Variants in MTCL1 observed in about 807,000 individuals in gnomAD.
MTCL1 encodes microtubule cross-linking factor 1.
Under a neutral mutation model 141.4 loss-of-function variants are expected in MTCL1, and 79 were observed. The ratio of observed to expected loss-of-function variants is 0.56; its 90% CI spans 0.47 to 0.67. The LOEUF is 0.67. Among genes scored for constraint, MTCL1 ranks in the 30% least tolerant of loss-of-function variants. The pLI is 0.00. For missense variants in MTCL1, 2,177 were observed against 2,113.9 expected, an observed-to-expected ratio of 1.03 and a Z score of -0.59; for synonymous variants, 914 against 875.8, an observed-to-expected ratio of 1.04 and a Z score of -0.77.
intron 4 of MTCL1, among the ~76,000 whole-genome samples, chr18:8,745,167 A>G (rs1013752914): frequency 1.3e-5 from 2 of 152,268 alleles, no homozygotes; most frequent in Admixed American, 6.5e-5. Flanking sequence ...AAAAGAATGT[A>G]TATTTTATGT....
chr18:8,771,269 G>A (rs377718964), intron 4 of MTCL1, among the ~76,000 whole-genome samples: 8 of 152,108 alleles, frequency 5.3e-5, no homozygotes, highest in African/African-American at 1.4e-4. Context: ...GATTACAGGC[G>A]TGAGCTCCCA....
At chr18:8,788,116 A>G (rs766983198) in intron 7 of MTCL1, among the ~76,000 whole-genome samples, 1 of 152,216 alleles carries the variant, frequency 6.6e-6, no homozygotes, top group Non-Finnish European at 1.5e-5. Context: ...CAAAGCTCCC[A>G]TAAGTCAGCC....
chr18:8,798,245 A>G (rs1222026502), exon 10 of MTCL1: 2 of 1,583,046 alleles, frequency 1.3e-6, no homozygotes, highest in African/African-American at 1.4e-5. Flanking sequence ...ATTGGAGATC[A>G]CAGCTTGCGG....
intron 12 of MTCL1, among the ~76,000 whole-genome samples, chr18:8,815,634 A>C (rs2144290127): frequency 6.6e-6 from 1 of 151,904 alleles, no homozygotes; most frequent in African/African-American, 2.4e-5. Flanking sequence ...TTAAAAAAAA[A>C]AACATTAACA....
intron 4 of MTCL1, among the ~76,000 whole-genome samples, chr18:8,740,658 T>A (rs1001251379): frequency 2.6e-5 from 4 of 152,108 alleles, no homozygotes; most frequent in Admixed American, 2.0e-4. Flanking sequence ...AATTTTTGTA[T>A]TTTTAGTAGA....
intron 11 of MTCL1, among the ~76,000 whole-genome samples, chr18:8,808,875 G>A (rs689801): frequency 0.22 from 33,339 of 152,162 alleles, 4,034 homozygotes; most frequent in East Asian, 0.36. Context: ...AGTGCCCACA[G>A]GGCTTTTGCA....
chr18:8,744,974 C>G (rs2096328107), intron 4 of MTCL1, among the ~76,000 whole-genome samples: 1 of 152,194 alleles, frequency 6.6e-6, no homozygotes, highest in South Asian at 2.1e-4. Flanking sequence ...CGGCTGTGGC[C>G]TTCTGTGGTC....
At chr18:8,818,888 G>C in intron 12 of MTCL1, 75 bp from the exon 12 acceptor site, 1 of 1,445,380 alleles carries the variant, frequency 6.9e-7, no homozygotes, top group Non-Finnish European at 9.4e-7. Flanking sequence ...TGCAAATTGT[G>C]GAGAAACGAT....
At chr18:8,792,399 C>T (rs1321434226) in intron 7 of MTCL1, among the ~76,000 whole-genome samples, 1 of 152,206 alleles carries the variant, frequency 6.6e-6, no homozygotes, top group Non-Finnish European at 1.5e-5. Flanking sequence ...TCCCTGTAGA[C>T]AACATGTGCC....
chr18:8,767,327 A>G (rs1189738541), intron 4 of MTCL1, among the ~76,000 whole-genome samples: 1 of 152,182 alleles, frequency 6.6e-6, no homozygotes, highest in South Asian at 2.1e-4. Context: ...AGTTTAGTAG[A>G]TGATTTATGG....
At position 8,718,580 on chromosome 18, in the gene MTCL1, A is replaced by G. The variant is rs1393920076; in HGVS notation, c.130A>G (p.Ser44Gly). The G allele has an allele frequency of 3.7e-6, 6 of 1,614,134 alleles. No individual in the cohort carries two copies. Among genetic ancestry groups the G allele is most frequent in the Non-Finnish European group, 4.2e-6 (5 of 1,180,042 alleles). ...CCGTCTTCGGAAAGCCGAGCAGAAA[A>G]GCCTGAAAGTGGCTGAGACGGGTCA... The change falls in exon 3 of 17, where the codon AGC becomes GGC. Residue 44 changes from serine (S) to glycine (G), a missense_variant. Transcript: ENST00000359865.
chr18:8,728,212 T>C (rs956887150), intron 4 of MTCL1, among the ~76,000 whole-genome samples: 9 of 152,212 alleles, frequency 5.9e-5, no homozygotes, highest in Non-Finnish European at 1.3e-4. Context: ...TTAATTTAAT[T>C]GCCTATTTGT....
intron 6 of MTCL1, among the ~76,000 whole-genome samples, chr18:8,785,345 C>A (rs765369436): frequency 1.3e-5 from 2 of 152,208 alleles, no homozygotes; most frequent in Non-Finnish European, 2.9e-5. Flanking sequence ...GCAGCCCAGG[C>A]CCCCACTCCC....
At chr18:8,748,335 G>C (rs1203613170) in intron 4 of MTCL1, among the ~76,000 whole-genome samples, 1 of 152,090 alleles carries the variant, frequency 6.6e-6, no homozygotes, top group Non-Finnish European at 1.5e-5. Context: ...TGAGCCCCCA[G>C]GAATTGGAGA....
intron 4 of MTCL1, among the ~76,000 whole-genome samples, chr18:8,749,781 T>G (rs891853556): frequency 1.3e-5 from 2 of 152,216 alleles, no homozygotes; most frequent in Non-Finnish European, 2.9e-5. Context: ...GGGCCTATTC[T>G]TTCCTTGGCA....
At chr18:8,806,288 A>T (rs148782995) in intron 10 of MTCL1, among the ~76,000 whole-genome samples, 81 of 152,300 alleles carry the variant, frequency 5.3e-4, no homozygotes, top group African/African-American at 1.9e-3. Flanking sequence ...CATGTGTGTC[A>T]TATCTGTGAC....
chr18:8,824,079 CA>C (rs2076933897), intron 14 of MTCL1, among the ~76,000 whole-genome samples: 1 of 152,210 alleles, frequency 6.6e-6, no homozygotes. Flanking sequence ...CCTGAGCCAG[CA>C]GGCACAGGCA....
chr18:8,805,603 C>T (rs2076273440), intron 10 of MTCL1, among the ~76,000 whole-genome samples: 1 of 151,902 alleles, frequency 6.6e-6, no homozygotes, highest in Non-Finnish European at 1.5e-5. Context: ...TGTGTAGAAC[C>T]TGAAGGAGGG....
intron 4 of MTCL1, among the ~76,000 whole-genome samples, chr18:8,737,078 C>A (rs1373385992): frequency 6.6e-6 from 1 of 152,186 alleles, no homozygotes; most frequent in Non-Finnish European, 1.5e-5. Flanking sequence ...CCAGAAGACA[C>A]CTTTTTGCAG....
Sources: gnomAD v4.1 joint callset for allele counts (sites outside exome capture counted in the v4.1 genomes callset) on GRCh38, gnomAD v4.1.1 for gene constraint, MANE v1.5 for transcripts, NCBI Gene and HGNC (gene_info 2026-07-23, HGNC 2026-07-21) for gene names.